PTPRK: variants seen among roughly 807,000 people sequenced by gnomAD.
The protein encoded by PTPRK is protein tyrosine phosphatase receptor type K, also known as receptor-type tyrosine-protein phosphatase kappa.
A neutral mutation model predicts 178.0 loss-of-function variants in PTPRK; 75 were observed. That is an observed-to-expected ratio of 0.42 (90% confidence interval 0.35 to 0.51). The LOEUF (loss-of-function observed/expected upper bound fraction) is 0.51, where lower values mean the gene tolerates loss of function less well. Ranked by LOEUF, PTPRK falls within the 20% of genes least tolerant of loss-of-function variation. The pLI, the probability that PTPRK is intolerant of heterozygous loss-of-function variation, is 0.02. For missense variants in PTPRK, 1,441 were observed against 1,797.8 expected (o/e 0.80, Z 3.59); for synonymous variants, 637 against 620.6 (o/e 1.03, Z -0.39).
intron 6 of PTPRK, among the ~76,000 whole-genome samples, chr6:128,199,460 G>GA (rs1325930912): frequency 2.6e-5 from 4 of 152,060 alleles, no homozygotes; most frequent in African/African-American, 9.6e-5. Context: ...AACTAGAATG[G>GA]AATGAGGTAG....
At chr6:128,256,482 TG>T (rs1303059472) in intron 3 of PTPRK, among the ~76,000 whole-genome samples, 5 of 151,704 alleles carry the variant, frequency 3.3e-5, no homozygotes, top group African/African-American at 1.2e-4. Context: ...CTCGTTCTGT[TG>T]CCAGGTTGGA....
At position 128,276,282 on chromosome 6, in the gene PTPRK, G is replaced by A. The variant is rs183429880; in HGVS notation, c.496-33680C>T. 2.7e-3 allele frequency among the ~76,000 whole-genome samples: 411 copies of A among 152,126 alleles called. 3 individuals carry two copies. Among genetic ancestry groups the A allele is most frequent in the African/African-American group, 9.2e-3 (383 of 41,548 alleles). ...CCAGGCTATTTTATTTAAGAAAGCA[G>A]AAATATTGTCTTTGACCACAGAACA... On this transcript the variant is annotated intron_variant, in intron 3 of 29. Coordinates refer to ENST00000368226, the MANE Select transcript of PTPRK (RefSeq NM_002844.4).
chr6:128,462,869 C>T (rs1030710802), intron 1 of PTPRK, among the ~76,000 whole-genome samples: 17 of 152,004 alleles, frequency 1.1e-4, no homozygotes, highest in African/African-American at 4.1e-4. Context: ...ATTGGCCAGG[C>T]TGGTGTCGAA....
chr6:128,277,492 T>C (rs1820908682), intron 3 of PTPRK, among the ~76,000 whole-genome samples: 1 of 152,154 alleles, frequency 6.6e-6, no homozygotes, highest in South Asian at 2.1e-4. Flanking sequence ...AATAATCATA[T>C]GTTACTCTAA....
chr6:128,220,656 A>G (rs1810234459), intron 5 of PTPRK, among the ~76,000 whole-genome samples: 1 of 152,226 alleles, frequency 6.6e-6, no homozygotes, highest in African/African-American at 2.4e-5. Context: ...AGGTTTCCAC[A>G]TTTGAACCAC....
chr6:128,080,022 T>TG (rs572999086), intron 10 of PTPRK, among the ~76,000 whole-genome samples: 73 of 131,352 alleles, frequency 5.6e-4, no homozygotes, highest in Admixed American at 1.8e-3. Flanking sequence ...GGTCTGGGGG[T>TG]GGGGGGTCAC....
chr6:128,508,736 A>T (rs1856730164), intron 1 of PTPRK, among the ~76,000 whole-genome samples: 2 of 151,996 alleles, frequency 1.3e-5, no homozygotes. Flanking sequence ...TGAGGTCAGG[A>T]GTTCAAGACC....
chr6:128,353,058 T>C (rs1354728882), intron 2 of PTPRK, among the ~76,000 whole-genome samples: 1 of 152,184 alleles, frequency 6.6e-6, no homozygotes, highest in Non-Finnish European at 1.5e-5. Flanking sequence ...AAAAAAACTA[T>C]TTATTTAGCA....
At chr6:128,240,423 G>A (rs1301994525) in intron 4 of PTPRK, among the ~76,000 whole-genome samples, 3 of 152,142 alleles carry the variant, frequency 2.0e-5, no homozygotes, top group Non-Finnish European at 4.4e-5. Context: ...AATTGCTGCT[G>A]AACTGCTGCC....
chr6:128,200,882 A>C (rs1300921229), intron 6 of PTPRK, among the ~76,000 whole-genome samples: 1 of 76,376 alleles, frequency 1.3e-5, no homozygotes, highest in Non-Finnish European at 2.3e-5. Flanking sequence ...AGGAGGAAGA[A>C]GGGAGGGAAG....
At chr6:128,081,370 T>A (rs1260335544) in intron 10 of PTPRK, among the ~76,000 whole-genome samples, 1 of 152,028 alleles carries the variant, frequency 6.6e-6, no homozygotes, top group East Asian at 1.9e-4. Flanking sequence ...GAATTATAGC[T>A]CATAATGGAA....
intron 2 of PTPRK, among the ~76,000 whole-genome samples, chr6:128,387,666 AAAGT>A (rs752824879): frequency 9.2e-5 from 14 of 152,204 alleles, no homozygotes; most frequent in Non-Finnish European, 1.8e-4. Context: ...TTTTTTAAAT[AAAGT>A]ATGTTCCCTT....
chr6:128,002,210 A>C (rs1450831645), intron 15 of PTPRK, among the ~76,000 whole-genome samples: 1 of 151,742 alleles, frequency 6.6e-6, no homozygotes, highest in East Asian at 1.9e-4. Flanking sequence ...GTTCCAAAAT[A>C]TTTTAAAAAT....
At chr6:127,979,887 C>A (rs1039422335) in intron 25 of PTPRK, among the ~76,000 whole-genome samples, 5 of 152,220 alleles carry the variant, frequency 3.3e-5, no homozygotes, top group Admixed American at 3.3e-4. Context: ...TTCTTTCCAA[C>A]ATAATCAAAG....
intron 2 of PTPRK, among the ~76,000 whole-genome samples, chr6:128,378,407 G>C (rs1346978706): frequency 6.6e-6 from 1 of 151,966 alleles, no homozygotes; most frequent in Non-Finnish European, 1.5e-5. Context: ...AAACAACAAT[G>C]CACACAAACA....
intron 13 of PTPRK, among the ~76,000 whole-genome samples, chr6:128,054,174 T>C (rs1390931890): frequency 6.6e-6 from 1 of 152,220 alleles, no homozygotes; most frequent in Non-Finnish European, 1.5e-5. Flanking sequence ...AAACTTTTAT[T>C]CTTTAGATGT....
intron 2 of PTPRK, among the ~76,000 whole-genome samples, chr6:128,386,644 T>C (rs1412439545): frequency 6.6e-6 from 1 of 152,258 alleles, no homozygotes; most frequent in Admixed American, 6.5e-5. Flanking sequence ...AACACAATTC[T>C]AGATTTCTAA....
intron 1 of PTPRK, among the ~76,000 whole-genome samples, chr6:128,426,128 T>C (rs1394133330): frequency 6.6e-6 from 1 of 152,212 alleles, no homozygotes; most frequent in African/African-American, 2.4e-5. Context: ...ACTTTCTGCT[T>C]CCCATATTTA....
chr6:128,442,271 C>G (rs949614493), intron 1 of PTPRK, among the ~76,000 whole-genome samples: 3 of 152,148 alleles, frequency 2.0e-5, no homozygotes, highest in African/African-American at 7.2e-5. Context: ...ACAGTCACCT[C>G]ATTTTTCAAT....
Sources: gnomAD v4.1 joint callset for allele counts (sites outside exome capture counted in the v4.1 genomes callset) on GRCh38, gnomAD v4.1.1 for gene constraint, MANE v1.5 for transcripts, NCBI Gene and HGNC (gene_info 2026-07-23, HGNC 2026-07-21) for gene names.